ACBD6: variants seen among roughly 807,000 people sequenced by gnomAD.
ACBD6 encodes acyl-CoA-binding domain-containing protein 6.
ACBD6 carries 28 observed loss-of-function variants against 37.2 expected under a neutral mutation model. That is an observed-to-expected ratio of 0.75 (90% CI 0.56 to 1.03). The LOEUF (loss-of-function observed/expected upper bound fraction) is 1.03, where lower values mean the gene tolerates loss of function less well. Among genes scored for constraint, ACBD6 ranks in the 50% least tolerant of loss-of-function variants. The pLI, the probability that ACBD6 is intolerant of heterozygous loss-of-function variation, is 0.00. For synonymous variants in ACBD6, 113 were observed against 126.8 expected (o/e 0.89, Z 0.73); for missense variants, 340 against 337.4 (o/e 1.01, Z -0.06).
exon 11 of ACBD6, chr1:180,273,953 CT>C: frequency 1.7e-6 from 1 of 572,120 alleles, no homozygotes; most frequent in South Asian, 2.0e-5. Flanking sequence ...TTTGTCCATC[CT>C]TCTGGGACCT....
chr1:180,328,857 TAA>T (rs1302786103), intron 6 of ACBD6, among the ~76,000 whole-genome samples: 13 of 152,240 alleles, frequency 8.5e-5, no homozygotes, highest in African/African-American at 2.9e-4. Context: ...TATATATATA[TAA>T]GTTAAGCTTT....
intron 4 of ACBD6, among the ~76,000 whole-genome samples, chr1:180,428,157 T>C (rs1648669450): frequency 6.6e-6 from 1 of 152,098 alleles, no homozygotes; most frequent in Non-Finnish European, 1.5e-5. Context: ...GTTCAGAATA[T>C]GAAGATTTAG....
At chr1:180,374,538 GAC>G (rs1439386746) in intron 6 of ACBD6, among the ~76,000 whole-genome samples, 2 of 152,024 alleles carry the variant, frequency 1.3e-5, no homozygotes, top group African/African-American at 4.8e-5. Context: ...AAGATCAACT[GAC>G]AAAATGTATT....
At chr1:180,446,172 T>A (rs1284404569) in intron 3 of ACBD6, among the ~76,000 whole-genome samples, 3 of 151,008 alleles carry the variant, frequency 2.0e-5, no homozygotes, top group African/African-American at 7.3e-5. Context: ...CGGGATAATT[T>A]TTTTTTTTTT....
chr1:180,369,965 ATTCT>A (rs1402781296), intron 6 of ACBD6, among the ~76,000 whole-genome samples: 1 of 152,210 alleles, frequency 6.6e-6, no homozygotes, highest in Non-Finnish European at 1.5e-5. Flanking sequence ...CATAATCTGA[ATTCT>A]TTTTTTCTTT....
chr1:180,420,956 T>C (rs55719709), intron 4 of ACBD6, among the ~76,000 whole-genome samples: 9,606 of 152,152 alleles, frequency 0.063, 935 homozygotes, highest in African/African-American at 0.21. Context: ...CCCCAGAATA[T>C]GGCATTTCTG....
intron 4 of ACBD6, among the ~76,000 whole-genome samples, chr1:180,428,130 CTCTT>C (rs1648668809): frequency 6.6e-6 from 1 of 152,014 alleles, no homozygotes; most frequent in South Asian, 2.1e-4. Context: ...ATGTTTCTTA[CTCTT>C]TCTTAACAAT....
chr1:180,318,171 C>CT (rs1331667041), intron 6 of ACBD6, among the ~76,000 whole-genome samples: 3 of 103,760 alleles, frequency 2.9e-5, no homozygotes, highest in African/African-American at 4.7e-5. Context: ...CCGCCCCCCC[C>CT]CCCCAAAAAA....
At chr1:180,437,675 A>C (rs1054596228) in intron 3 of ACBD6, among the ~76,000 whole-genome samples, 5 of 152,198 alleles carry the variant, frequency 3.3e-5, no homozygotes, top group African/African-American at 1.2e-4. Context: ...GTCACACAAA[A>C]ATCAGGTTAG....
chr1:180,465,991 CT>C (rs1308098077), intron 3 of ACBD6, among the ~76,000 whole-genome samples: 1 of 151,588 alleles, frequency 6.6e-6, no homozygotes, highest in Admixed American at 6.6e-5. Flanking sequence ...GCAACAGACA[CT>C]GGAGTCTACT....
intron 6 of ACBD6, among the ~76,000 whole-genome samples, chr1:180,315,846 T>C (rs912479168): frequency 6.6e-6 from 1 of 152,044 alleles, no homozygotes; most frequent in Non-Finnish European, 1.5e-5. Flanking sequence ...GCTTATTACA[T>C]GGGAGAGAGG....
chr1:180,289,679 T>C (rs767786340), intron 7 of ACBD6, among the ~76,000 whole-genome samples: 2 of 152,182 alleles, frequency 1.3e-5, no homozygotes, highest in Non-Finnish European at 2.9e-5. Context: ...CGCTCATTAA[T>C]GGTAACATAT....
At chr1:180,318,965 T>C (rs1033382151) in intron 6 of ACBD6, among the ~76,000 whole-genome samples, 1 of 152,228 alleles carries the variant, frequency 6.6e-6, no homozygotes, top group East Asian at 1.9e-4. Flanking sequence ...AGCTTGTCTA[T>C]GCATTTAAAG....
intron 7 of ACBD6, among the ~76,000 whole-genome samples, chr1:180,311,055 T>C (rs1276488636): frequency 6.6e-6 from 1 of 152,196 alleles, no homozygotes; most frequent in Non-Finnish European, 1.5e-5. Flanking sequence ...ACAACAGAGA[T>C]AGTGTTTCTT....
At chr1:180,403,198 G>C (rs1038210129) in intron 5 of ACBD6, among the ~76,000 whole-genome samples, 3 of 152,148 alleles carry the variant, frequency 2.0e-5, no homozygotes, top group African/African-American at 7.2e-5. Flanking sequence ...AAAGAAAACA[G>C]TGGCTGGGAA....
intron 3 of ACBD6, among the ~76,000 whole-genome samples, chr1:180,447,712 C>G (rs1434262820): frequency 6.6e-6 from 1 of 151,982 alleles, no homozygotes. Flanking sequence ...CATAGCTGTT[C>G]AGAAATTATA....
intron 3 of ACBD6, among the ~76,000 whole-genome samples, chr1:180,479,225 G>A (rs1650926661): frequency 6.6e-6 from 1 of 152,110 alleles, no homozygotes; most frequent in African/African-American, 2.4e-5. Flanking sequence ...ATTCACAATG[G>A]CAAAGATAAA....
intron 1 of ACBD6, among the ~76,000 whole-genome samples, chr1:180,496,663 C>T (rs1651751557): frequency 6.6e-6 from 1 of 152,176 alleles, no homozygotes; most frequent in Non-Finnish European, 1.5e-5. Flanking sequence ...TCTCATCTAC[C>T]TCTGAATTCA....
At chr1:180,414,478 T>C (rs554321920) in intron 4 of ACBD6, among the ~76,000 whole-genome samples, 124 of 152,228 alleles carry the variant, frequency 8.1e-4, no homozygotes, top group Non-Finnish European at 1.5e-3. Context: ...CATAGCTAAT[T>C]TTCTTAAAAG....
Sources: gnomAD v4.1 joint callset for allele counts (sites outside exome capture counted in the v4.1 genomes callset) on GRCh38, gnomAD v4.1.1 for gene constraint, MANE v1.5 for transcripts, NCBI Gene and HGNC (gene_info 2026-07-23, HGNC 2026-07-21) for gene names.